RPRD2: variants seen among roughly 807,000 people sequenced by gnomAD.
The protein encoded by RPRD2 is regulation of nuclear pre-mRNA domain-containing protein 2.
In RPRD2, 12 loss-of-function variants were observed where a neutral mutation model predicts 104.4. The ratio of observed to expected loss-of-function variants is 0.11; its 90% CI spans 0.07 to 0.19. RPRD2 has a LOEUF of 0.19. RPRD2 is among the 10% of genes least tolerant of loss of function. RPRD2 has a pLI of 1.00. For missense variants in RPRD2, 1,543 were observed against 1,790.1 expected (o/e 0.86, Z 2.49); for synonymous variants, 714 against 684.9 (o/e 1.04, Z -0.66).
At chr1:150,401,738 G>A (rs1289572366) in intron 1 of RPRD2, among the ~76,000 whole-genome samples, 1 of 151,056 alleles carries the variant, frequency 6.6e-6, no homozygotes, top group Non-Finnish European at 1.5e-5. Context: ...CCGCCTCCTG[G>A]TTTCACGCCC....
At chr1:150,446,875 G>A (rs369872019) in intron 7 of RPRD2, among the ~76,000 whole-genome samples, 1 of 117,158 alleles carries the variant, frequency 8.5e-6, no homozygotes, top group Non-Finnish European at 1.7e-5. Flanking sequence ...CGCTCTTGTT[G>A]CCCAGGCTAG....
intron 4 of RPRD2, among the ~76,000 whole-genome samples, chr1:150,442,655 G>C (rs1185231091): frequency 6.6e-6 from 1 of 152,176 alleles, no homozygotes; most frequent in East Asian, 1.9e-4. Context: ...ATGATTAAGG[G>C]AGTCCTCAGA....
rs61016870 is a variant in RPRD2 at position 150,369,623 on chromosome 1, A to ATT, written c.205+4722_205+4723dup. ...AGGCGCCCGTCACCGCGCCCAGCTA[A>ATT]TTTTTTTTTTTTTTTTTTTGTATTT... On this transcript the variant is annotated intron_variant, in intron 1 of 10. Coordinates refer to ENST00000369068, the MANE Select transcript of RPRD2 (RefSeq NM_015203.5). 2.1e-3 allele frequency among the ~76,000 whole-genome samples: 148 copies of ATT among 68,846 alleles called. 3 individuals carry two copies. The highest frequency in any genetic ancestry group is 6.0e-3 in the African/African-American group (107 of 17,804). The allele number at this position is 68,846 out of a possible 152,430, so 45.2% of individuals were successfully genotyped here.
intron 1 of RPRD2, among the ~76,000 whole-genome samples, chr1:150,384,450 C>CATCATCATTATT (rs1553881396): frequency 0.024 from 3,109 of 132,090 alleles, 43 homozygotes; most frequent in Non-Finnish European, 0.033. Context: ...GCATCATCAT[C>CATCATCATTATT]ATTATTATTA....
In RPRD2 at chr1:150,444,183, TGAG is replaced by T. The variant is rs148568464; in HGVS notation, c.568-64_568-62del. On this transcript the variant is annotated intron_variant, in intron 5 of 10. Transcript: ENST00000369068. Reference sequence around the variant, plus strand: ...TTTTGTTTTGTTTTGTTTTACAAAATGAGGAGAGAGAGAATGAGAATAATTGAA... The same window carrying T: ...TTTTGTTTTGTTTTGTTTTACAAAATGAGAGAGAGAATGAGAATAATTGAA... The T allele has an allele frequency of 2.2e-3, 3,252 of 1,468,478 alleles. 21 individuals are homozygous for T. In the African/African-American group the frequency reaches 0.024, roughly 11 times the overall value. 91.0% of individuals were successfully genotyped at this position (1,468,478 alleles called of 1,614,324 possible). A position where few individuals can be genotyped will look rare whatever the true frequency, so the allele number is the denominator to read the frequency against.
chr1:150,418,194 C>T (rs1664503648), intron 2 of RPRD2, among the ~76,000 whole-genome samples: 1 of 152,110 alleles, frequency 6.6e-6, no homozygotes, highest in African/African-American at 2.4e-5. Context: ...GTCTTAATCT[C>T]CTGACCTCAT....
At chr1:150,411,458 CA>C (rs1175130265) in intron 1 of RPRD2, among the ~76,000 whole-genome samples, 13 of 88,558 alleles carry the variant, frequency 1.5e-4, no homozygotes, top group Admixed American at 4.9e-4. Context: ...TAGACTGTCT[CA>C]AAAAAAAAAA....
rs587719541 is a variant in RPRD2, at chr1:150,456,892, T to C, written c.871-396T>C. 7.1e-4 allele frequency among the ~76,000 whole-genome samples: 106 copies of C among 150,260 alleles called. 1 individual carries two copies. The highest frequency in any genetic ancestry group is 1.3e-3 in the Non-Finnish European group (89 of 67,744). On this transcript the variant is annotated intron_variant, in intron 7 of 10. Transcript: ENST00000369068. ...GTGAGCTATGATCATGCCACTGCAC[T>C]GCAGCCTGGGCAACAAGAGCGAAAT...
chr1:150,406,516 C>T (rs1358397921), intron 1 of RPRD2, among the ~76,000 whole-genome samples: 2 of 152,146 alleles, frequency 1.3e-5, no homozygotes, highest in African/African-American at 4.8e-5. Flanking sequence ...AGGTGATTCT[C>T]CTGCCTCAGC....
At chr1:150,372,014 G>A (rs1167716785) in intron 1 of RPRD2, among the ~76,000 whole-genome samples, 1 of 151,992 alleles carries the variant, frequency 6.6e-6, no homozygotes, top group Non-Finnish European at 1.5e-5. Context: ...GAAAAAAATG[G>A]AACATAATTA....
At chr1:150,389,417 G>GT (rs1488977257) in intron 1 of RPRD2, among the ~76,000 whole-genome samples, 4 of 152,154 alleles carry the variant, frequency 2.6e-5, no homozygotes, top group African/African-American at 7.2e-5. Flanking sequence ...GGGTTTGTCT[G>GT]TTTTTTTGTG....
chr1:150,409,597 A>C (rs923340609), intron 1 of RPRD2, among the ~76,000 whole-genome samples: 4 of 151,896 alleles, frequency 2.6e-5, no homozygotes, highest in Admixed American at 2.6e-4. Context: ...TATTTGGGAG[A>C]ATAAAGCAAA....
intron 2 of RPRD2, among the ~76,000 whole-genome samples, chr1:150,438,920 C>T (rs927425865): frequency 2.6e-5 from 4 of 151,990 alleles, no homozygotes; most frequent in Admixed American, 1.3e-4. Flanking sequence ...CTGCAACCTT[C>T]GACTCCTTGG....
intron 2 of RPRD2, among the ~76,000 whole-genome samples, chr1:150,423,792 A>ATT (rs151188685): frequency 6.2e-5 from 9 of 145,580 alleles, no homozygotes; most frequent in Admixed American, 5.5e-4. Context: ...CTGAAAACAA[A>ATT]TTTTTTTTTT....
chr1:150,474,103 C>A lies in RPRD2; in HGVS notation c.*769C>A. 6.6e-6 allele frequency: 1 copy of A among 152,132 alleles called. No individual in the cohort carries two copies. Among genetic ancestry groups the A allele is most frequent in the Non-Finnish European group, 1.5e-5 (1 of 68,034 alleles). 9.4% of individuals were successfully genotyped at this position (152,132 alleles called of 1,614,324 possible). On this transcript the variant is annotated 3_prime_UTR_variant, in exon 11 of 11. Transcript: ENST00000369068. ...ATAGGAAATGTTTTCAAGGTAGTTT[C>A]ACATGTCTTGCACCAAGCTCATGCC...
Position 150,471,700 on chromosome 1 carries a change from G to T in RPRD2, c.2752G>T (p.Val918Leu). ...SSPGLFGAFS[V>L]RGNEPGSDRS... ...CCCTGGGCTATTTGGTGCCTTCAGCGTAAGAGGGAATGAACCTGGGTCTGA... is the reference window on the plus strand; with the variant it reads ...CCCTGGGCTATTTGGTGCCTTCAGCTTAAGAGGGAATGAACCTGGGTCTGA... Residue 918 changes from valine to leucine, a missense_variant, in exon 11 of 11, where the codon GTA becomes TTA. Coordinates refer to ENST00000369068, the MANE Select transcript of RPRD2 (RefSeq NM_015203.5). The surrounding 1 kb of genome is among the most constrained non-coding windows in gnomAD (Gnocchi z 5.3). 1 of 1,613,844 alleles carries T rather than the reference G, an allele frequency of 6.2e-7. No homozygotes were observed. Among genetic ancestry groups the T allele is most frequent in the South Asian group, 1.1e-5 (1 of 91,062 alleles).
chr1:150,449,975 T>C (rs1317438216), intron 7 of RPRD2, among the ~76,000 whole-genome samples: 1 of 152,194 alleles, frequency 6.6e-6, no homozygotes, highest in Non-Finnish European at 1.5e-5. Flanking sequence ...TCTTCTCTGC[T>C]TCCTTCTAGA....
At chr1:150,457,108 C>T (rs1347019180) in intron 7 of RPRD2, among the ~76,000 whole-genome samples, 180 bp from the exon 8 acceptor site, 1 of 151,930 alleles carries the variant, frequency 6.6e-6, no homozygotes, top group Non-Finnish European at 1.5e-5. Context: ...CCTGTGGATC[C>T]AGCTACTTGG....
At position 150,470,912 on chromosome 1, in the gene RPRD2, C is replaced by G. The variant is rs372333137; in HGVS notation, c.1964C>G (p.Ser655Cys). 288 of 1,613,882 alleles carry G rather than the reference C, an allele frequency of 1.8e-4. No individual in the cohort carries two copies. The highest frequency in any genetic ancestry group is 3.3e-4 in the Middle Eastern group (2 of 6,084). Residue 655 changes from serine (S) to cysteine (C), a missense_variant, in exon 11 of 11, where the codon TCC becomes TGC. Ser to Cys is a moderately radical substitution (Grantham distance 112). Coordinates refer to ENST00000369068, the MANE Select transcript of RPRD2 (RefSeq NM_015203.5). ...ACCATCTGCCAATCTTCAGAGGTCT[C>G]CAAGCCAAAGCTGGAGTCAGAGTCC... is the stretch of plus-strand genomic sequence containing the variant. ...EVTICQSSEV[S>C]KPKLESESTS...
Sources: allele counts gnomAD v4.1 joint callset (sites outside exome capture counted in the v4.1 genomes callset), GRCh38; gene constraint gnomAD v4.1.1; non-coding constraint Gnocchi (gnomAD v3.1); transcripts MANE v1.5; gene names NCBI Gene and HGNC (gene_info 2026-07-23, HGNC 2026-07-21).